PLD5: variants seen among roughly 807,000 people sequenced by gnomAD.
PLD5 encodes the protein inactive phospholipase D5.
In PLD5, 36 loss-of-function variants were observed where a neutral mutation model predicts 61.1. The observed-to-expected ratio is 0.59, with a 90% CI of 0.45 to 0.78. The LOEUF (loss-of-function observed/expected upper bound fraction) is 0.78. Ranked by LOEUF, PLD5 falls within the 30% of genes least tolerant of loss-of-function variation. The probability of loss-of-function intolerance (pLI) is 0.00; values close to 1 mark genes in which losing one functional copy is unlikely to be tolerated. For missense variants in PLD5, 515 were observed against 644.4 expected, an observed-to-expected ratio of 0.80 and a Z score of 2.17; for synonymous variants, 243 against 242.8, an observed-to-expected ratio of 1.00 and a Z score of -0.01.
intron 1 of PLD5, among the ~76,000 whole-genome samples, chr1:242,394,500 G>A (rs1483810664): frequency 1.2e-5 from 1 of 81,938 alleles, no homozygotes; most frequent in Middle Eastern, 0.016. Flanking sequence ...ACATATATAT[G>A]TGTATATATG....
chr1:242,509,434 T>G (rs1467587983), intron 1 of PLD5, among the ~76,000 whole-genome samples: 2 of 152,178 alleles, frequency 1.3e-5, no homozygotes, highest in Non-Finnish European at 2.9e-5. Context: ...AACTCCTCCT[T>G]GTACACTGCT....
chr1:242,361,365 A>C (rs1437029943), intron 1 of PLD5, among the ~76,000 whole-genome samples: 1 of 152,178 alleles, frequency 6.6e-6, no homozygotes, highest in African/African-American at 2.4e-5. Flanking sequence ...CAAAAGTGAA[A>C]GCTTACGTTC....
chr1:242,129,083 T>C (rs1663032344), intron 5 of PLD5, among the ~76,000 whole-genome samples: 1 of 152,186 alleles, frequency 6.6e-6, no homozygotes. Flanking sequence ...ACTCTCCTTA[T>C]GAACCATTTA....
At chr1:242,429,164 C>A (rs1665584160) in intron 1 of PLD5, among the ~76,000 whole-genome samples, 1 of 152,200 alleles carries the variant, frequency 6.6e-6, no homozygotes, top group Admixed American at 6.5e-5. Context: ...AAAAGGAAAG[C>A]TTGATCTTGA....
At chr1:242,174,375 C>T (rs539032101) in intron 5 of PLD5, among the ~76,000 whole-genome samples, 38 of 152,160 alleles carry the variant, frequency 2.5e-4, no homozygotes, top group Non-Finnish European at 4.9e-4. Context: ...GTTAGAATGG[C>T]GATCATTAAA....
rs1391287117 is a variant in PLD5 at position 242,429,900 on chromosome 1, A to T, written c.190-81658T>A. 2.0e-5 allele frequency among the ~76,000 whole-genome samples: 3 copies of T among 152,254 alleles called. No homozygotes were observed. In the East Asian group the frequency reaches 5.8e-4, roughly 29 times the overall value. On this transcript the variant is annotated intron_variant, in intron 1 of 9. Coordinates refer to ENST00000536534, the MANE Select transcript of PLD5 (RefSeq NM_001372062.1). ...AAATGTAATTTTCTTCCTAGGGAAAACTCAGAATTCATTTTTAGGTCATTT... is the reference window on the plus strand; with the variant it reads ...AAATGTAATTTTCTTCCTAGGGAAATCTCAGAATTCATTTTTAGGTCATTT...
chr1:242,126,054 G>A (rs146417776), intron 5 of PLD5, among the ~76,000 whole-genome samples: 78 of 152,224 alleles, frequency 5.1e-4, no homozygotes, highest in African/African-American at 1.8e-3. Context: ...GACTATTAGC[G>A]GTTAAGTGAA....
At chr1:242,458,242 A>G (rs1398188358) in intron 1 of PLD5, among the ~76,000 whole-genome samples, 2 of 152,250 alleles carry the variant, frequency 1.3e-5, no homozygotes, top group Non-Finnish European at 2.9e-5. Flanking sequence ...ACAAATTAAT[A>G]TGGAAAGATT....
intron 1 of PLD5, among the ~76,000 whole-genome samples, chr1:242,373,984 A>T (rs1035889099): frequency 1.4e-5 from 2 of 145,320 alleles, no homozygotes; most frequent in Admixed American, 1.4e-4. Flanking sequence ...AAAAAAAAAG[A>T]ATGTCGGAAC....
At chr1:242,123,656 C>A (rs879272132) in intron 6 of PLD5, among the ~76,000 whole-genome samples, 6 of 152,362 alleles carry the variant, frequency 3.9e-5, no homozygotes, top group African/African-American at 1.4e-4. Flanking sequence ...AAACTCCACA[C>A]ACACGGTGGC....
At chr1:242,346,128 G>C (rs1347715939) in intron 2 of PLD5, among the ~76,000 whole-genome samples, 1 of 144,146 alleles carries the variant, frequency 6.9e-6, no homozygotes, top group Non-Finnish European at 1.5e-5. Flanking sequence ...AGAATGCCTA[G>C]TAGCTAGAAT....
rs74683585 is a variant in PLD5 at position 242,423,354 on chromosome 1, G to C, written c.190-75112C>G. 3.1e-3 allele frequency among the ~76,000 whole-genome samples: 465 copies of C among 152,146 alleles called. 2 individuals are homozygous for C. The highest frequency in any genetic ancestry group is 0.01 in the African/African-American group (435 of 41,528). On this transcript the variant is annotated intron_variant, in intron 1 of 9. Transcript: ENST00000536534. Reference sequence around the variant, plus strand: ...GTACTGAGCTTGAAGCTGAGATGGGGTACATGGATAAAAGTGGGGTGCAGT... The same window carrying C: ...GTACTGAGCTTGAAGCTGAGATGGGCTACATGGATAAAAGTGGGGTGCAGT...
chr1:242,284,760 A>G (rs1674924131), intron 3 of PLD5, among the ~76,000 whole-genome samples: 1 of 152,190 alleles, frequency 6.6e-6, no homozygotes, highest in African/African-American at 2.4e-5. Flanking sequence ...TCCGAACATC[A>G]TTGCTTCCCC....
chr1:242,449,213 T>C, intron 1 of PLD5: 2 of 1,032,420 alleles, frequency 1.9e-6, no homozygotes, highest in South Asian at 2.9e-5. Flanking sequence ...GTTCCTGCCC[T>C]TCTCATAAAA....
chr1:242,354,288 G>T (rs530829198), intron 1 of PLD5, among the ~76,000 whole-genome samples: 1 of 152,196 alleles, frequency 6.6e-6, no homozygotes, highest in Admixed American at 6.5e-5. Context: ...TTTTCCTAGA[G>T]AGTTCTAAAT....
chr1:242,147,725 GCATTGGTGCCA>G (rs1664637048), intron 5 of PLD5, among the ~76,000 whole-genome samples: 1 of 152,116 alleles, frequency 6.6e-6, no homozygotes, highest in African/African-American at 2.4e-5. Context: ...TAATAGCTGT[GCATTGGTGCCA>G]CATTGTGGTT....
intron 1 of PLD5, among the ~76,000 whole-genome samples, chr1:242,353,737 C>T (rs1660600382): frequency 1.3e-5 from 2 of 151,998 alleles, no homozygotes; most frequent in African/African-American, 2.4e-5. Flanking sequence ...ACATGGCTTG[C>T]AATATTAATT....
intron 1 of PLD5, among the ~76,000 whole-genome samples, chr1:242,367,661 T>C (rs1451277445): frequency 6.6e-6 from 1 of 151,904 alleles, no homozygotes; most frequent in Non-Finnish European, 1.5e-5. Context: ...TACGCAAACA[T>C]AGAGGTGGGC....
chr1:242,095,386 C>T (rs967314286), intron 9 of PLD5, among the ~76,000 whole-genome samples: 10 of 152,094 alleles, frequency 6.6e-5, no homozygotes, highest in African/African-American at 9.7e-5. Flanking sequence ...GCATGTGCCA[C>T]GATACCCAGC....
Sources: allele counts gnomAD v4.1 joint callset (sites outside exome capture counted in the v4.1 genomes callset), GRCh38; gene constraint gnomAD v4.1.1; transcripts MANE v1.5; gene names NCBI Gene and HGNC (gene_info 2026-07-23, HGNC 2026-07-21).